The following NRXN1 variants were observed in gnomAD, a reference collection of about 807,000 sequenced individuals.
NRXN1 encodes neurexin 1, also known as neurexin-1.
Under a neutral mutation model 150.9 loss-of-function variants are expected in NRXN1, and 39 were observed. The ratio of observed to expected loss-of-function variants is 0.26; its 90% confidence interval spans 0.20 to 0.34. The LOEUF (loss-of-function observed/expected upper bound fraction) is 0.34. NRXN1 is among the 10% of genes least tolerant of loss of function. The probability of loss-of-function intolerance (pLI) is 1.00; values close to 1 mark genes in which losing one functional copy is unlikely to be tolerated. For synonymous variants in NRXN1, 924 were observed against 757.0 expected, an observed-to-expected ratio of 1.22 and a Z score of -3.62; for missense variants, 1,815 against 1,949.9, an observed-to-expected ratio of 0.93 and a Z score of 1.30.
intron 21 of NRXN1, among the ~76,000 whole-genome samples, chr2:49,962,951 C>CTAAATAAA (rs113862669): frequency 8.2e-4 from 122 of 148,512 alleles, no homozygotes; most frequent in African/African-American, 2.0e-3. Flanking sequence ...GAGCCTGCCT[C>CTAAATAAA]TAAATAAATA....
chr2:51,031,875 C>T (rs1051204976), intron 1 of NRXN1, 106 bp downstream of exon 1: 36 of 152,284 alleles, frequency 2.4e-4, no homozygotes, highest in African/African-American at 7.7e-4. Context: ...CCATCTTTCC[C>T]TGTGTATTTG....
chr2:50,313,523 C>G (rs1453374655), intron 17 of NRXN1, among the ~76,000 whole-genome samples: 1 of 152,072 alleles, frequency 6.6e-6, no homozygotes, highest in Non-Finnish European at 1.5e-5. Flanking sequence ...TCTATGGGTG[C>G]TAGCAAGCAT....
At chr2:50,582,681 A>C (rs1341141121) in intron 8 of NRXN1, among the ~76,000 whole-genome samples, 1 of 151,814 alleles carries the variant, frequency 6.6e-6, no homozygotes, top group Non-Finnish European at 1.5e-5. Flanking sequence ...AAAAAAAAAA[A>C]ATCAAAGTAC....
At chr2:50,782,061 A>G (rs1268420434) in intron 5 of NRXN1, among the ~76,000 whole-genome samples, 1 of 152,194 alleles carries the variant, frequency 6.6e-6, no homozygotes, top group Non-Finnish European at 1.5e-5. Flanking sequence ...TTTACAATTA[A>G]CTACAAAATG....
At chr2:50,596,592 T>C (rs1448012844) in intron 8 of NRXN1, among the ~76,000 whole-genome samples, 1 of 152,208 alleles carries the variant, frequency 6.6e-6, no homozygotes, top group African/African-American at 2.4e-5. Flanking sequence ...ACAGTGATAC[T>C]GTGTAGTTCA....
In NRXN1 at chr2:49,919,251, T is replaced by G. The variant is rs1009742506; in HGVS notation, c.*2693A>C. Reference sequence around the variant, plus strand: ...TGTTTGGTATGAAGATACTTGGGATTCAAGTCATTTTCTCTTTCTAACTCT... The same window carrying G: ...TGTTTGGTATGAAGATACTTGGGATGCAAGTCATTTTCTCTTTCTAACTCT... On this transcript the variant is annotated 3_prime_UTR_variant, in exon 23 of 23. Coordinates refer to ENST00000401669, the MANE Select transcript of NRXN1 (RefSeq NM_001330078.2). The G allele has an allele frequency of 3.3e-5, 5 of 152,162 alleles. No homozygotes were observed. The highest frequency in any genetic ancestry group is 2.6e-4 in the Admixed American group (4 of 15,276). 9.4% of individuals were successfully genotyped at this position (152,162 alleles called of 1,614,324 possible). A position where few individuals can be genotyped will look rare whatever the true frequency, so the allele number is the denominator to read the frequency against.
At chr2:50,700,664 T>C (rs1693607534) in intron 5 of NRXN1, among the ~76,000 whole-genome samples, 1 of 152,088 alleles carries the variant, frequency 6.6e-6, no homozygotes, top group African/African-American at 2.4e-5. Flanking sequence ...TGCATGTCAC[T>C]TTTGTAGGGC....
chr2:51,010,395 T>C (rs1667658612), intron 2 of NRXN1, among the ~76,000 whole-genome samples: 2 of 152,040 alleles, frequency 1.3e-5, no homozygotes, highest in Non-Finnish European at 2.9e-5. Context: ...TCGCTAAACG[T>C]ATTTTTAACA....
intron 2 of NRXN1, among the ~76,000 whole-genome samples, chr2:50,928,710 G>A (rs1460998854): frequency 6.6e-6 from 1 of 151,970 alleles, no homozygotes; most frequent in Non-Finnish European, 1.5e-5. Flanking sequence ...ACGGTGTACA[G>A]GTAAAGCAGC....
At chr2:50,973,240 C>G (rs1695293249) in intron 2 of NRXN1, among the ~76,000 whole-genome samples, 1 of 152,080 alleles carries the variant, frequency 6.6e-6, no homozygotes, top group Non-Finnish European at 1.5e-5. Context: ...AAATGCAGAA[C>G]CATTAGCTAA....
At chr2:50,850,245 A>T (rs1379233233) in intron 5 of NRXN1, among the ~76,000 whole-genome samples, 5 of 151,922 alleles carry the variant, frequency 3.3e-5, no homozygotes, top group Non-Finnish European at 7.4e-5. Flanking sequence ...AAAAAAAAAA[A>T]AAAAGGTGTT....
intron 2 of NRXN1, among the ~76,000 whole-genome samples, chr2:50,930,793 G>A (rs772039324): frequency 1.3e-5 from 2 of 151,978 alleles, no homozygotes; most frequent in Admixed American, 6.6e-5. Context: ...TTCCTGATAC[G>A]GAATTGACAG....
At chr2:50,235,072 C>G (rs187797963) in intron 18 of NRXN1, among the ~76,000 whole-genome samples, 1 of 151,964 alleles carries the variant, frequency 6.6e-6, no homozygotes, top group Non-Finnish European at 1.5e-5. Context: ...CATTGTAGAA[C>G]CTTTTCTCAG....
intron 21 of NRXN1, among the ~76,000 whole-genome samples, chr2:50,037,248 A>C (rs1311545372): frequency 6.6e-6 from 1 of 152,016 alleles, no homozygotes; most frequent in South Asian, 2.1e-4. Context: ...TCTTTTTTTT[A>C]AGTCAGTTTC....
At chr2:50,974,506 T>C (rs2104816415) in intron 2 of NRXN1, among the ~76,000 whole-genome samples, 1 of 152,250 alleles carries the variant, frequency 6.6e-6, no homozygotes, top group African/African-American at 2.4e-5. Flanking sequence ...GACCTAAAAT[T>C]GCTGACCATC....
At chr2:50,716,588 G>A (rs1695894630) in intron 5 of NRXN1, among the ~76,000 whole-genome samples, 1 of 152,040 alleles carries the variant, frequency 6.6e-6, no homozygotes, top group Non-Finnish European at 1.5e-5. Flanking sequence ...CAGCTCATTT[G>A]CTATGATAAT....
intron 5 of NRXN1, among the ~76,000 whole-genome samples, chr2:50,775,297 A>T (rs1028420508): frequency 5.3e-5 from 8 of 152,092 alleles, no homozygotes; most frequent in Non-Finnish European, 1.2e-4. Context: ...GCCTAAGAGG[A>T]CAGTCAAAAT....
chr2:50,579,907 G>C (rs976508079), intron 8 of NRXN1, among the ~76,000 whole-genome samples: 1 of 152,120 alleles, frequency 6.6e-6, no homozygotes, highest in Admixed American at 6.5e-5. Context: ...AAGTTATCAT[G>C]AAAGGGTTAT....
At chr2:50,954,316 G>A (rs1200661710) in intron 2 of NRXN1, among the ~76,000 whole-genome samples, 1 of 152,144 alleles carries the variant, frequency 6.6e-6, no homozygotes, top group Admixed American at 6.6e-5. Context: ...TTCTTTTGAA[G>A]GGATGGCGTT....
Sources: allele counts gnomAD v4.1 joint callset (sites outside exome capture counted in the v4.1 genomes callset), GRCh38; gene constraint gnomAD v4.1.1; transcripts MANE v1.5; gene names NCBI Gene and HGNC (gene_info 2026-07-23, HGNC 2026-07-21).